PIWIL1: variants seen among roughly 807,000 people sequenced by gnomAD.
PIWIL1 encodes piwi like RNA-mediated gene silencing 1.
Under a neutral mutation model 114.4 loss-of-function variants are expected in PIWIL1, and 73 were observed. The observed-to-expected ratio is 0.64, with a 90% CI of 0.53 to 0.78. The LOEUF is 0.78. PIWIL1 is among the 30% of genes least tolerant of loss of function. The pLI is 0.00. For missense variants in PIWIL1, 723 were observed against 1,063.1 expected (o/e 0.68, Z 4.45); for synonymous variants, 375 against 369.0 (o/e 1.02, Z -0.19).
chr12:130,363,257 T>G (rs1380053363), intron 18 of PIWIL1, 113 bp downstream of exon 18: 12 of 1,093,792 alleles, frequency 1.1e-5, no homozygotes, highest in Non-Finnish European at 1.6e-5. Flanking sequence ...ATAGGGACTG[T>G]AGGGCCTTTG....
the PIWIL1 span, among the ~76,000 whole-genome samples, chr12:130,420,597 TAAAA>T: frequency 1.3e-5 from 2 of 151,326 alleles, no homozygotes; most frequent in African/African-American, 4.9e-5. The surrounding 1 kb of genome is among the most constrained non-coding windows in gnomAD (Gnocchi z 4.3). Flanking sequence ...AATGCAGTTT[TAAAA>T]AAAAAGTCTC....
At position 130,346,439 on chromosome 12, in the gene PIWIL1, T is replaced by C. The variant is rs1420414571; in HGVS notation, c.386T>C (p.Leu129Ser). 1 of 1,614,028 alleles carries C rather than the reference T, an allele frequency of 6.2e-7. No homozygotes were observed. Among genetic ancestry groups the C allele is most frequent in the Non-Finnish European group, 8.5e-7 (1 of 1,179,952 alleles). Reference protein sequence around the residue: ...FRLTSRPQWALYQYHIDYNPL... With the variant: ...FRLTSRPQWASYQYHIDYNPL... ...CTGACATCCCGTCCCCAGTGGGCCT[T>C]ATATCAGTATCACATTGACTATAAC... Residue 129 changes from leucine to serine, a missense_variant, in exon 5 of 21, where the codon TTA becomes TCA. Leu to Ser is a moderately radical substitution (Grantham distance 145, BLOSUM62 -2). This residue lies in a region of PIWIL1 where 190 missense variants were observed against 294.4 expected (regional missense o/e 0.65). Coordinates refer to ENST00000245255, the MANE Select transcript of PIWIL1 (RefSeq NM_004764.5).
chr12:130,366,556 G>A (rs1402769000), intron 18 of PIWIL1: 1 of 152,428 alleles, frequency 6.6e-6, no homozygotes, highest in African/African-American at 2.4e-5. Context: ...GTAGGCCAAG[G>A]AGTGTGGGGC....
chr12:130,408,664 C>T, the PIWIL1 span, among the ~76,000 whole-genome samples: 1 of 152,196 alleles, frequency 6.6e-6, no homozygotes, highest in Non-Finnish European at 1.5e-5. Context: ...GGCCCAATCA[C>T]GAAACCCCTG....
intron 9 of PIWIL1, among the ~76,000 whole-genome samples, chr12:130,350,785 TA>T (rs1319091368): frequency 6.6e-6 from 1 of 152,216 alleles, no homozygotes; most frequent in East Asian, 1.9e-4. Context: ...TTCCTGTTTC[TA>T]AAAATTTGGA....
chr12:130,374,303 A>G (rs548102902), downstream of PIWIL1, among the ~76,000 whole-genome samples: 8 of 152,312 alleles, frequency 5.3e-5, no homozygotes, highest in South Asian at 1.2e-3. Context: ...TTCTGATACT[A>G]TGATACGAGT....
rs760300175 is a variant in PIWIL1 at position 130,349,844 on chromosome 12, A to T, written c.933-12A>T. 6.9e-7 allele frequency: 1 copy of T among 1,445,688 alleles called. No individual in the cohort carries two copies. The highest frequency in any genetic ancestry group is 1.8e-5 in the Admixed American group (1 of 54,578). 89.6% of individuals were successfully genotyped at this position (1,445,688 alleles called of 1,614,324 possible). Reference sequence around the variant, plus strand: ...TTCCATCAAATGCAGTCAAATCTCAACTGATCCCTAGGTATAACAATAAGA... The same window carrying T: ...TTCCATCAAATGCAGTCAAATCTCATCTGATCCCTAGGTATAACAATAAGA... On this transcript the variant is annotated splice_polypyrimidine_tract_variant and intron_variant, in intron 8 of 20. Transcript: ENST00000245255.
chr12:130,416,549 C>T, the PIWIL1 span, among the ~76,000 whole-genome samples: 1 of 152,202 alleles, frequency 6.6e-6, no homozygotes, highest in Non-Finnish European at 1.5e-5. Flanking sequence ...GGACTCCTAC[C>T]TTTTACCATA....
chr12:130,354,493 C>T (rs1171052468), intron 9 of PIWIL1, 44 bp from the exon 10 acceptor site: 7 of 1,612,502 alleles, frequency 4.3e-6, no homozygotes, highest in African/African-American at 1.3e-5. Flanking sequence ...AGATGCTACT[C>T]GAGGCATTTG....
the PIWIL1 span, chr12:130,407,721 G>A: frequency 1.2e-6 from 2 of 1,610,730 alleles, no homozygotes; most frequent in South Asian, 2.2e-5. Flanking sequence ...GTGTTTGGCT[G>A]GTACCTCGAC....
At chr12:130,407,734 C>T in the PIWIL1 span, 3 of 1,613,534 alleles carry the variant, frequency 1.9e-6, no homozygotes, top group South Asian at 3.3e-5. Flanking sequence ...ACCTCGACAT[C>T]GACGTTGGGC....
the PIWIL1 span, among the ~76,000 whole-genome samples, chr12:130,380,151 C>T: frequency 0.62 from 5,031 of 8,074 alleles, 1,984 homozygotes; most frequent in Non-Finnish European, 0.8. Context: ...CCACTTCCCA[C>T]CCAAGCATTG....
intron 10 of PIWIL1, 69 bp downstream of exon 10, chr12:130,354,732 G>T: frequency 6.6e-7 from 1 of 1,523,886 alleles, no homozygotes; most frequent in Non-Finnish European, 8.8e-7. Context: ...GGAGTCCTCA[G>T]ACATTCCTTT....
intron 19 of PIWIL1, among the ~76,000 whole-genome samples, chr12:130,367,745 G>T (rs928442961): frequency 1.3e-5 from 2 of 152,216 alleles, no homozygotes; most frequent in Admixed American, 1.3e-4. Context: ...GCGGGCACCG[G>T]CAGGCACAGG....
At chr12:130,353,789 G>A (rs1444384194) in intron 9 of PIWIL1, among the ~76,000 whole-genome samples, 12 of 151,554 alleles carry the variant, frequency 7.9e-5, no homozygotes, top group Non-Finnish European at 1.6e-4. Context: ...AGCCAGGCAC[G>A]GTGGTGTGCA....
At chr12:130,355,801 A>G in intron 12 of PIWIL1, 134 bp downstream of exon 12, 1 of 674,036 alleles carries the variant, frequency 1.5e-6, no homozygotes. Flanking sequence ...GTTGACAATC[A>G]AGTGAGGCTT....
chr12:130,417,694 CA>C, the PIWIL1 span, among the ~76,000 whole-genome samples: 1 of 152,246 alleles, frequency 6.6e-6, no homozygotes, highest in Non-Finnish European at 1.5e-5. Context: ...ACCCATGTAA[CA>C]GACCTGCACA....
chr12:130,371,652 T>G lies in PIWIL1; in HGVS notation c.*54T>G, dbSNP rs1185977579. On this transcript the variant is annotated 3_prime_UTR_variant, in exon 21 of 21. Transcript: ENST00000245255. ...TTTTTGAAATGACTTTGGGATTTTT[T>G]TAAGCTTTTATTTACTTTTTTTTTA... is the stretch of plus-strand genomic sequence containing the variant. 4 of 1,161,100 alleles carry G rather than the reference T, an allele frequency of 3.4e-6. No individual in the cohort carries two copies. The highest frequency in any genetic ancestry group is 5.0e-6 in the Non-Finnish European group (4 of 796,706). The allele number at this position is 1,161,100 out of a possible 1,614,324, so 71.9% of individuals were successfully genotyped here. A position where few individuals can be genotyped will look rare whatever the true frequency, so the allele number is the denominator to read the frequency against.
chr12:130,382,992 T>G, the PIWIL1 span, among the ~76,000 whole-genome samples: 1 of 152,360 alleles, frequency 6.6e-6, no homozygotes, highest in African/African-American at 2.4e-5. Context: ...GTTTCTCAAC[T>G]TAGGTGTAAA....
Sources: allele counts gnomAD v4.1 joint callset (sites outside exome capture counted in the v4.1 genomes callset), GRCh38; gene constraint gnomAD v4.1.1; regional missense constraint gnomAD v4.1.1; non-coding constraint Gnocchi (gnomAD v3.1); transcripts MANE v1.5; gene names NCBI Gene and HGNC (gene_info 2026-07-23, HGNC 2026-07-21).